DUSP22: variants seen among roughly 807,000 people sequenced by gnomAD.
DUSP22 encodes dual specificity phosphatase 22.
A neutral mutation model predicts 24.5 loss-of-function variants in DUSP22; 24 were observed. The ratio of observed to expected loss-of-function variants is 0.98; its 90% CI spans 0.71 to 1.38. The LOEUF (loss-of-function observed/expected upper bound fraction) is 1.38, where lower values mean the gene tolerates loss of function less well. Ranked by LOEUF, DUSP22 falls within the 40% of genes most tolerant of loss-of-function variation. The pLI is 0.00. For missense variants in DUSP22, 330 were observed against 269.2 expected (o/e 1.23, Z -1.58); for synonymous variants, 160 against 106.4 (o/e 1.50, Z -3.10).
intron 3 of DUSP22, among the ~76,000 whole-genome samples, chr6:332,152 C>A (rs1759169266): frequency 6.6e-6 from 1 of 152,304 alleles, no homozygotes; most frequent in Non-Finnish European, 1.5e-5. Context: ...GTGCCGGGCA[C>A]CCTTGCAGGG....
intron 1 of DUSP22, among the ~76,000 whole-genome samples, chr6:301,815 C>A (rs1196761319): frequency 6.6e-6 from 1 of 152,302 alleles, no homozygotes; most frequent in Non-Finnish European, 1.5e-5. Context: ...TTGAGATAGT[C>A]CTGCAGCAAG....
chr6:295,705 T>G (rs1341718373), intron 1 of DUSP22, among the ~76,000 whole-genome samples: 3 of 150,488 alleles, frequency 2.0e-5, no homozygotes, highest in Non-Finnish European at 4.4e-5. Flanking sequence ...GAGGCTGAGG[T>G]GGGAGAATCA....
In DUSP22 at chr6:349,852, C is replaced by T. The variant is rs1020871979; in HGVS notation, c.*901C>T. On this transcript the variant is annotated 3_prime_UTR_variant, in exon 7 of 7. Transcript: ENST00000419235. Reference sequence around the variant, plus strand: ...TTGAGCTCTGTGGTGGGCAGGCGCACTTTAGCCTAAGTTGGGTGCCCCAGG... The same window carrying T: ...TTGAGCTCTGTGGTGGGCAGGCGCATTTTAGCCTAAGTTGGGTGCCCCAGG... 7 of 986,026 alleles carry T rather than the reference C, an allele frequency of 7.1e-6. No homozygotes were observed. The South Asian group carries it at 1.9e-4, about 26-fold the overall frequency. The allele number at this position is 986,026 out of a possible 1,614,324, so 61.1% of individuals were successfully genotyped here.
chr6:319,310 CTG>C (rs1226207573), intron 3 of DUSP22, among the ~76,000 whole-genome samples: 2 of 152,302 alleles, frequency 1.3e-5, no homozygotes, highest in Non-Finnish European at 2.9e-5. Context: ...GGAAGGTGAT[CTG>C]TGTTTGGCTG....
chr6:330,198 G>C (rs936376017), intron 3 of DUSP22, among the ~76,000 whole-genome samples: 2 of 152,304 alleles, frequency 1.3e-5, no homozygotes, highest in African/African-American at 4.8e-5. Flanking sequence ...GGGGCTTCTA[G>C]TGGTGACATG....
At chr6:336,074 A>G (rs968187362) in intron 4 of DUSP22, among the ~76,000 whole-genome samples, 4 of 152,306 alleles carry the variant, frequency 2.6e-5, no homozygotes, top group South Asian at 2.1e-4. Flanking sequence ...TCTTGGCTGT[A>G]TAGAAGGGAC....
intron 1 of DUSP22, among the ~76,000 whole-genome samples, chr6:304,417 G>A (rs1055664464): frequency 1.4e-4 from 22 of 152,306 alleles, no homozygotes; most frequent in East Asian, 1.9e-4. Flanking sequence ...GGTCGAAGCC[G>A]GGCCCTAAAC....
chr6:339,761 A>G (rs955561108), intron 4 of DUSP22, among the ~76,000 whole-genome samples: 9 of 152,306 alleles, frequency 5.9e-5, no homozygotes, highest in African/African-American at 1.9e-4. Flanking sequence ...GCCTTATTCT[A>G]TCTCCCTATC....
rs557298037 is a variant in DUSP22, at chr6:335,706, A to T, written c.188+543A>T. 1.8e-4 allele frequency among the ~76,000 whole-genome samples: 28 copies of T among 152,418 alleles called. No homozygotes were observed. The South Asian group carries it at 5.8e-3, about 32-fold the overall frequency. On this transcript the variant is annotated intron_variant, in intron 4 of 6. Transcript: ENST00000419235. ...GAGCAAGTTTATGTCCTTCTTTCAT[A>T]CGAAGTCTGGGGGCTCTGGCGTGCT...
intron 6 of DUSP22, chr6:348,485 T>A (rs1759997026): frequency 1.1e-6 from 1 of 885,646 alleles, no homozygotes; most frequent in African/African-American, 1.7e-5. Context: ...TTTGTCATTC[T>A]CCTTGTGCCT....
chr6:332,086 A>T (rs951867850), intron 3 of DUSP22, among the ~76,000 whole-genome samples: 1 of 152,296 alleles, frequency 6.6e-6, no homozygotes, highest in East Asian at 1.9e-4. Flanking sequence ...CTTTGTGTTC[A>T]TTGTTCTCAT....
chr6:308,126 G>A (rs1052295315), intron 2 of DUSP22, among the ~76,000 whole-genome samples: 1 of 152,294 alleles, frequency 6.6e-6, no homozygotes, highest in Non-Finnish European at 1.5e-5. Context: ...TCTTCTTAAA[G>A]CGCATGTTCT....
Position 350,689 on chromosome 6 carries a change from G to T in DUSP22, c.*1738G>T. 2 of 1,572,750 alleles carry T rather than the reference G, an allele frequency of 1.3e-6. No individual in the cohort carries two copies. The highest frequency in any genetic ancestry group is 1.7e-6 in the Non-Finnish European group (2 of 1,159,344). On this transcript the variant is annotated 3_prime_UTR_variant, in exon 7 of 7. Coordinates refer to ENST00000419235, the MANE Select transcript of DUSP22 (RefSeq NM_001286555.3). ...TTTTTCCTAAGCCAAAAATAAATACGTTAACAGAAAAATGATTTAGGATAT... is the reference window on the plus strand; with the variant it reads ...TTTTTCCTAAGCCAAAAATAAATACTTTAACAGAAAAATGATTTAGGATAT...
intron 1 of DUSP22, among the ~76,000 whole-genome samples, chr6:302,955 G>A (rs1027307151): frequency 1.3e-5 from 2 of 152,306 alleles, no homozygotes; most frequent in South Asian, 2.1e-4. Flanking sequence ...TAGGGGATAC[G>A]CTTAGCAGGT....
chr6:301,494 G>C (rs975009193), intron 1 of DUSP22, among the ~76,000 whole-genome samples: 1 of 152,306 alleles, frequency 6.6e-6, no homozygotes, highest in Non-Finnish European at 1.5e-5. Flanking sequence ...TTAAGTAAAA[G>C]GGTTGTTACT....
intron 3 of DUSP22, among the ~76,000 whole-genome samples, chr6:330,617 T>C (rs1759097743): frequency 6.6e-6 from 1 of 152,302 alleles, no homozygotes. Context: ...GTAAAAACCT[T>C]ACTTTTGGTG....
chr6:298,118 C>T (rs1029466788), intron 1 of DUSP22, among the ~76,000 whole-genome samples: 53 of 152,396 alleles, frequency 3.5e-4, no homozygotes, highest in Admixed American at 2.8e-3. Flanking sequence ...CACCACCCCC[C>T]GAGGGCTCTC....
At chr6:301,810 A>G (rs1158132458) in intron 1 of DUSP22, among the ~76,000 whole-genome samples, 1 of 152,302 alleles carries the variant, frequency 6.6e-6, no homozygotes, top group African/African-American at 2.4e-5. Flanking sequence ...TTTGCTTGAG[A>G]TAGTCCTGCA....
intron 3 of DUSP22, among the ~76,000 whole-genome samples, chr6:318,125 T>C (rs1758418811): frequency 2.0e-5 from 3 of 152,310 alleles, no homozygotes; most frequent in African/African-American, 7.2e-5. Context: ...TTCAGAATGA[T>C]CTTTTCCTAA....
Sources: gnomAD v4.1 joint callset for allele counts (sites outside exome capture counted in the v4.1 genomes callset) on GRCh38, gnomAD v4.1.1 for gene constraint, MANE v1.5 for transcripts, NCBI Gene and HGNC (gene_info 2026-07-23, HGNC 2026-07-21) for gene names.